Variants in DYSF observed in about 807,000 individuals in gnomAD.
The protein encoded by DYSF is dysferlin.
In DYSF, 212 loss-of-function variants were observed where a neutral mutation model predicts 274.9. The ratio of observed to expected loss-of-function variants is 0.77; its 90% confidence interval spans 0.69 to 0.86. DYSF has a LOEUF of 0.86. Ranked by LOEUF, DYSF falls within the 40% of genes least tolerant of loss-of-function variation. The pLI, the probability that DYSF is intolerant of heterozygous loss-of-function variation, is 0.00. For missense variants in DYSF, 2,666 were observed against 2,783.2 expected (o/e 0.96, Z 0.95); for synonymous variants, 1,091 against 1,078.7 (o/e 1.01, Z -0.22).
At chr2:71,640,687 CG>C (rs1480069025) in intron 41 of DYSF, among the ~76,000 whole-genome samples, 1 of 151,464 alleles carries the variant, frequency 6.6e-6, no homozygotes, top group Non-Finnish European at 1.5e-5. Context: ...GCCATCTGTT[CG>C]TTAGTGTTTT....
chr2:71,651,123 G>T (rs1001583014), intron 42 of DYSF, among the ~76,000 whole-genome samples: 10 of 151,818 alleles, frequency 6.6e-5, no homozygotes, highest in African/African-American at 1.7e-4. Context: ...TTCAATTCAA[G>T]AAGCTAGAAT....
intron 32 of DYSF, among the ~76,000 whole-genome samples, chr2:71,596,784 G>C (rs1245078728): frequency 6.6e-6 from 1 of 152,226 alleles, no homozygotes; most frequent in Non-Finnish European, 1.5e-5. Context: ...ATTTGTGCCT[G>C]ATGGCTGTCA....
intron 22 of DYSF, 120 bp from the exon 23 acceptor site, chr2:71,561,631 AG>A: frequency 8.6e-7 from 1 of 1,157,050 alleles, no homozygotes; most frequent in Non-Finnish European, 1.3e-6. Context: ...GGGCTGGAGA[AG>A]GCACCCAGCA....
intron 3 of DYSF, among the ~76,000 whole-genome samples, chr2:71,484,984 G>A (rs1188914860): frequency 6.6e-6 from 1 of 152,178 alleles, no homozygotes; most frequent in African/African-American, 2.4e-5. Flanking sequence ...TGCCCCATGT[G>A]AGCAGTTCAC....
chr2:71,679,258 C>T, intron 53 of DYSF, 23 bp downstream of exon 53: 1 of 1,609,942 alleles, frequency 6.2e-7, no homozygotes, highest in Non-Finnish European at 8.5e-7. Context: ...CCTCCAGCCC[C>T]AGTGGAGGGC....
chr2:71,600,435 A>G (rs562621960), intron 33 of DYSF, among the ~76,000 whole-genome samples: 2 of 152,326 alleles, frequency 1.3e-5, no homozygotes, highest in South Asian at 2.1e-4. Context: ...CAGGGCAAAC[A>G]CTAGTTGGAC....
rs759297236 is a variant in DYSF, at chr2:71,590,252, C to T, written c.3538C>T (p.Arg1180Trp). 3.7e-5 allele frequency: 59 copies of T among 1,613,974 alleles called. No individual in the cohort carries two copies. Among genetic ancestry groups the T allele is most frequent in the Middle Eastern group, 1.6e-4 (1 of 6,082 alleles). Residue 1180 changes from arginine (R) to tryptophan (W), a missense_variant, in exon 32 of 56, where the codon CGG (arginine) becomes TGG (tryptophan). Around this residue, in one of 3 missense-constraint regions of DYSF, gnomAD observed 1,460 missense variants for 1,502.1 expected, o/e 0.97. Transcript: ENST00000410020. Reference sequence around the variant, plus strand: ...TCTACGCTGCTACATGTACCAGGCCCGGGACCTGGCTGCGATGGACAAGGA... The same window carrying T: ...TCTACGCTGCTACATGTACCAGGCCTGGGACCTGGCTGCGATGGACAAGGA... ...YHLRCYMYQARDLAAMDKDSF... is the reference protein window; with the variant it reads ...YHLRCYMYQAWDLAAMDKDSF...
intron 32 of DYSF, 128 bp from the exon 33 acceptor site, chr2:71,598,436 A>C: frequency 8.0e-6 from 9 of 1,120,174 alleles, no homozygotes; most frequent in Non-Finnish European, 1.0e-5. Flanking sequence ...TCCCAGCATG[A>C]ATGTTGTTGC....
At chr2:71,665,061 T>G (rs1173446002) in intron 46 of DYSF, 101 bp from the exon 47 acceptor site, 1 of 1,580,250 alleles carries the variant, frequency 6.3e-7, no homozygotes, top group Non-Finnish European at 8.6e-7. Context: ...AAGCAAGGAG[T>G]GGGCAATGCT....
In DYSF at chr2:71,516,174, C is replaced by CA. The variant is rs2086631948; in HGVS notation, c.889-4dup. On this transcript the variant is annotated splice_polypyrimidine_tract_variant and splice_region_variant and intron_variant, in intron 8 of 55. Transcript: ENST00000410020. ...TGATATGTCTCTCTTTGCTCTGAAC[C>CA]AACAGACTCTTTTCTTCAACTTGTT... is the stretch of plus-strand genomic sequence containing the variant. 6.2e-7 allele frequency: 1 copy of CA among 1,614,144 alleles called. No individual in the cohort carries two copies. Among genetic ancestry groups the CA allele is most frequent in the Non-Finnish European group, 8.5e-7 (1 of 1,180,008 alleles).
intron 14 of DYSF, 102 bp from the exon 15 acceptor site, chr2:71,534,919 A>T: frequency 7.8e-7 from 1 of 1,276,956 alleles, no homozygotes; most frequent in Non-Finnish European, 1.1e-6. Flanking sequence ...CCCTAAGGGC[A>T]GCCAGCATGG....
chr2:71,492,468 G>T (rs910960287), intron 3 of DYSF, among the ~76,000 whole-genome samples: 1 of 152,102 alleles, frequency 6.6e-6, no homozygotes, highest in Non-Finnish European at 1.5e-5. Context: ...TGAGTTACTC[G>T]CAATACATAT....
chr2:71,644,196 G>A, intron 42 of DYSF, 133 bp downstream of exon 42: 5 of 841,354 alleles, frequency 5.9e-6, no homozygotes, highest in African/African-American at 1.7e-5. Flanking sequence ...GGTGATGAAT[G>A]CTGCTAGACC....
chr2:71,473,188 G>A (rs900803199), intron 1 of DYSF, among the ~76,000 whole-genome samples: 3 of 152,198 alleles, frequency 2.0e-5, no homozygotes, highest in Admixed American at 6.5e-5. Context: ...GGCAGGGCAG[G>A]TGTCAGAATG....
In DYSF at chr2:71,584,494, A is replaced by G. The variant is rs79822218; in HGVS notation, c.3403-5099A>G. On this transcript the variant is annotated intron_variant, in intron 30 of 55. Transcript: ENST00000410020. ...AGTCCACATTAATCCCTTTTTCCATAGTAACATCAGACCCGACTCTGAGCT... is the reference window on the plus strand; with the variant it reads ...AGTCCACATTAATCCCTTTTTCCATGGTAACATCAGACCCGACTCTGAGCT... Among the ~76,000 whole-genome samples, 968 of 152,126 alleles carry G rather than the reference A, an allele frequency of 6.4e-3. 7 individuals are homozygous for G. The highest frequency in any genetic ancestry group is 0.022 in the African/African-American group (897 of 41,502).
chr2:71,560,905 A>G (rs1469268576), intron 22 of DYSF, among the ~76,000 whole-genome samples: 1 of 152,098 alleles, frequency 6.6e-6, no homozygotes, highest in Non-Finnish European at 1.5e-5. Flanking sequence ...GGAGAATGGA[A>G]AATGGAGAGG....
intron 4 of DYSF, among the ~76,000 whole-genome samples, chr2:71,508,218 G>T (rs1016274315): frequency 5.3e-5 from 8 of 152,180 alleles, no homozygotes; most frequent in Non-Finnish European, 7.4e-5. Context: ...TAAGCCATTT[G>T]ACATGAGGGT....
chr2:71,533,534 T>G (rs1048446558), intron 14 of DYSF, among the ~76,000 whole-genome samples: 9 of 152,242 alleles, frequency 5.9e-5, no homozygotes, highest in Non-Finnish European at 1.3e-4. Context: ...CATGGGTTGT[T>G]CCAAATCCTT....
At chr2:71,593,254 T>C (rs1352635526) in intron 32 of DYSF, among the ~76,000 whole-genome samples, 1 of 146,980 alleles carries the variant, frequency 6.8e-6, no homozygotes, top group Admixed American at 6.9e-5. Flanking sequence ...AGCCTCAGCC[T>C]CCCAAGTAGC....
Sources: allele counts gnomAD v4.1 joint callset (sites outside exome capture counted in the v4.1 genomes callset), GRCh38; gene constraint gnomAD v4.1.1; regional missense constraint gnomAD v4.1.1; transcripts MANE v1.5; gene names NCBI Gene and HGNC (gene_info 2026-07-23, HGNC 2026-07-21).